Variants in NLRC4 observed in about 807,000 individuals in gnomAD.
NLRC4 encodes NLR family CARD domain-containing protein 4.
Under a neutral mutation model 79.9 loss-of-function variants are expected in NLRC4, and 63 were observed. That is an observed-to-expected ratio of 0.79 (90% CI 0.64 to 0.97). NLRC4 has a LOEUF of 0.97. NLRC4 is among the 50% of genes least tolerant of loss of function. The probability of loss-of-function intolerance (pLI) is 0.00; values close to 1 mark genes in which losing one functional copy is unlikely to be tolerated. For missense variants in NLRC4, 1,074 were observed against 1,215.2 expected (o/e 0.88, Z 1.73); for synonymous variants, 461 against 456.5 (o/e 1.01, Z -0.12).
rs769635788 is a variant in NLRC4, at chr2:32,236,253, C to G, written c.2608G>C (p.Glu870Gln). 1.3e-6 allele frequency: 2 copies of G among 1,597,698 alleles called. No homozygotes were observed. The highest frequency in any genetic ancestry group is 1.7e-5 in the Admixed American group (1 of 59,456). Reference protein sequence around the residue: ...LEKDGNEALHELIDRMNVLEQ... With the variant: ...LEKDGNEALHQLIDRMNVLEQ... Reference sequence around the variant, plus strand: ...GCTGAATTGTCATTCTTACTCAGTTCATGAAGAGCTTCATTTCCATCTTTT... The same window carrying G: ...GCTGAATTGTCATTCTTACTCAGTTGATGAAGAGCTTCATTTCCATCTTTT... Residue 870 changes from glutamate to glutamine, a missense_variant, in exon 7 of 9, where the codon GAA becomes CAA. Coordinates refer to ENST00000402280, the MANE Select transcript of NLRC4 (RefSeq NM_001199138.2).
chr2:32,249,921 G>T lies in NLRC4; in HGVS notation c.1943C>A (p.Ala648Asp). The T allele has an allele frequency of 2.5e-6, 4 of 1,614,206 alleles. No individual in the cohort carries two copies. Among genetic ancestry groups the T allele is most frequent in the Non-Finnish European group, 3.4e-6 (4 of 1,180,040 alleles). The change falls in exon 4 of 9, where the codon GCT (alanine) becomes GAT (aspartate). Residue 648 changes from alanine to aspartate, a missense_variant. Physicochemically the swap from Ala to Asp is moderately radical, Grantham distance 126 (BLOSUM62 -2). Coordinates refer to ENST00000402280, the MANE Select transcript of NLRC4 (RefSeq NM_001199138.2). ...EAPETYIPSR[A>D]VSLFFNWKQE... Reference sequence around the variant, plus strand: ...CTTCCAGTTGAAGAACAAAGATACAGCCCTGCTGGGAATGTAGGTTTCTGG... The same window carrying T: ...CTTCCAGTTGAAGAACAAAGATACATCCCTGCTGGGAATGTAGGTTTCTGG...
rs772067106 is a variant in NLRC4 at position 32,224,607 on chromosome 2, G to T, written c.2941C>A (p.Pro981Thr). 1.2e-6 allele frequency: 2 copies of T among 1,613,850 alleles called. No homozygotes were observed. The highest frequency in any genetic ancestry group is 2.2e-5 in the South Asian group (2 of 91,068). Reference sequence around the variant, plus strand: ...TGGCTAAGTTTTCTGACTAATGCTGGATCAGGTAGAAATTCTTTAGTACTA... The same window carrying T: ...TGGCTAAGTTTTCTGACTAATGCTGTATCAGGTAGAAATTCTTTAGTACTA... ...DFSTKEFLPDPALVRKLSQVL... is the reference protein window; with the variant it reads ...DFSTKEFLPDTALVRKLSQVL... Residue 981 changes from proline to threonine, a missense_variant, in exon 9 of 9, where the codon CCA becomes ACA. Coordinates refer to ENST00000402280, the MANE Select transcript of NLRC4 (RefSeq NM_001199138.2).
At chr2:32,231,259 ATTC>A (rs1374035145) in intron 8 of NLRC4, among the ~76,000 whole-genome samples, 8 of 152,024 alleles carry the variant, frequency 5.3e-5, no homozygotes, top group African/African-American at 1.9e-4. Context: ...GATTCAAGCA[ATTC>A]TTCTGCCTCA....
chr2:32,259,262 A>ATTTTTTTTTTTTTTTTTTTTTTTTT lies in NLRC4; in HGVS notation c.-118-2394_-118-2370dup, dbSNP rs57570626. The stretch of plus-strand genomic sequence containing the variant: ...AGGTGTGTGCCACCATGCCTGGCTA[A>ATTTTTTTTTTTTTTTTTTTTTTTTT]TTTTTTTTTTTTTTTTTTTTTTTTT... On this transcript the variant is annotated intron_variant, in intron 1 of 8. Coordinates refer to ENST00000402280, the MANE Select transcript of NLRC4 (RefSeq NM_001199138.2). Among the ~76,000 whole-genome samples the ATTTTTTTTTTTTTTTTTTTTTTTTT allele has an allele frequency of 9.5e-4, 50 of 52,886 alleles. 4 individuals carry two copies. The highest frequency in any genetic ancestry group is 1.2e-3 in the Non-Finnish European group (34 of 29,472). The allele number at this position is 52,886 out of a possible 152,430, so 34.7% of individuals were successfully genotyped here.
chr2:32,250,732 G>T lies in NLRC4; in HGVS notation c.1132C>A (p.His378Asn). The T allele has an allele frequency of 6.2e-7, 1 of 1,614,180 alleles. No homozygotes were observed. The highest frequency in any genetic ancestry group is 1.1e-5 in the South Asian group (1 of 91,088). The change falls in exon 4 of 9, where the codon CAT (histidine) becomes AAT (asparagine). Residue 378 changes from histidine (H) to asparagine (N), a missense_variant. Physicochemically the swap from His to Asn is moderately conservative, Grantham distance 68. Coordinates refer to ENST00000402280, the MANE Select transcript of NLRC4 (RefSeq NM_001199138.2). This position sits in a 1 kb window ranked among gnomAD's most constrained non-coding sequence, Gnocchi z 4.9. ...AAGTCACTTGCAGCCACACCTTTAT[G>T]TTTGTGTTTGTTTTTCTGTATCAAC... Reference protein sequence around the residue: ...DLLIQKNKHKHKGVAASDFIR... With the variant: ...DLLIQKNKHKNKGVAASDFIR...
rs769709902 is a variant in NLRC4 at position 32,251,019 on chromosome 2, T to G, written c.845A>C (p.Glu282Ala). ...AAACTGCCGTATGTGCCTCAGGCACTCAGTGGTAGTGGTGACGATGACCAT... is the reference window on the plus strand; with the variant it reads ...AAACTGCCGTATGTGCCTCAGGCACGCAGTGGTAGTGGTGACGATGACCAT... ...KNMVIVTTTT[E>A]CLRHIRQFGA... Residue 282 changes from glutamate to alanine, a missense_variant, in exon 4 of 9, where the codon GAG (glutamate) becomes GCG (alanine). By Grantham distance (107) the Glu-to-Ala change is moderately radical (BLOSUM62 -1). Coordinates refer to ENST00000402280, the MANE Select transcript of NLRC4 (RefSeq NM_001199138.2). The G allele has an allele frequency of 6.2e-7, 1 of 1,614,196 alleles. No individual in the cohort carries two copies. Among genetic ancestry groups the G allele is most frequent in the Non-Finnish European group, 8.5e-7 (1 of 1,180,028 alleles).
rs1687106369 is a variant in NLRC4 at position 32,252,624 on chromosome 2, A to G, written c.57T>C (p.Val19=). 4 of 1,613,786 alleles carry G rather than the reference A, an allele frequency of 2.5e-6. No homozygotes were observed. The highest frequency in any genetic ancestry group is 2.5e-6 in the Non-Finnish European group (3 of 1,179,626). ...ATAGGTCATCTGTGATTTGCTTTATAACAGTCATTCCCATTCTTTGAATAA... is the reference window on the plus strand; with the variant it reads ...ATAGGTCATCTGTGATTTGCTTTATGACAGTCATTCCCATTCTTTGAATAA... ...RALIQRMGMT[V]IKQITDDLFV... Residue 19 remains valine, a synonymous_variant, in exon 3 of 9, where the codon GTT becomes GTC. Coordinates refer to ENST00000402280, the MANE Select transcript of NLRC4 (RefSeq NM_001199138.2).
At chr2:32,229,006 T>TA (rs1323543926) in intron 8 of NLRC4, among the ~76,000 whole-genome samples, 1 of 151,886 alleles carries the variant, frequency 6.6e-6, no homozygotes, top group Non-Finnish European at 1.5e-5. Context: ...CCTCAAGTGA[T>TA]ACACCCACCT....
chr2:32,257,492 AGCTGTTCCGGAG>A (rs1687234193), intron 1 of NLRC4, among the ~76,000 whole-genome samples: 1 of 152,116 alleles, frequency 6.6e-6, no homozygotes, highest in Admixed American at 6.6e-5. Context: ...CTGTAGTCCC[AGCTGTTCCGGAG>A]GCTGAGGCAG....
intron 5 of NLRC4, 72 bp downstream of exon 5, chr2:32,240,961 T>C: frequency 1.1e-6 from 1 of 923,528 alleles, no homozygotes; most frequent in Non-Finnish European, 1.8e-6. Context: ...ACACAGCCAA[T>C]GTCAGAGCCT....
At chr2:32,239,434 G>A (rs1686745685) in intron 5 of NLRC4, among the ~76,000 whole-genome samples, 1 of 152,186 alleles carries the variant, frequency 6.6e-6, no homozygotes, top group South Asian at 2.1e-4. Flanking sequence ...GTTGTCATGG[G>A]AGTATATACC....
At chr2:32,226,053 A>AT (rs2148928726) in intron 8 of NLRC4, among the ~76,000 whole-genome samples, 1 of 152,310 alleles carries the variant, frequency 6.6e-6, no homozygotes, top group East Asian at 1.9e-4. Context: ...TTCAAGTTAA[A>AT]GAAGGAAAGA....
intron 8 of NLRC4, among the ~76,000 whole-genome samples, chr2:32,235,043 C>T (rs150145451): frequency 4.5e-4 from 69 of 152,252 alleles, no homozygotes; most frequent in African/African-American, 1.6e-3. Context: ...CAGCTACATT[C>T]GCCTTTATAT....
intron 1 of NLRC4, among the ~76,000 whole-genome samples, chr2:32,260,876 A>G (rs1275080217): frequency 6.6e-6 from 1 of 152,120 alleles, no homozygotes. Flanking sequence ...ATCAGACACC[A>G]CCTTCTCAAG....
intron 4 of NLRC4, among the ~76,000 whole-genome samples, chr2:32,247,684 A>G (rs212734): frequency 0.63 from 94,891 of 151,800 alleles, 29,897 homozygotes; most frequent in Admixed American, 0.65. Flanking sequence ...GTGTATATAT[A>G]TCTTTCCAAT....
At chr2:32,245,781 T>G (rs1324551747) in intron 4 of NLRC4, among the ~76,000 whole-genome samples, 2 of 152,138 alleles carry the variant, frequency 1.3e-5, no homozygotes, top group African/African-American at 4.8e-5. Context: ...TAGAAAAAAT[T>G]TACCTTATAG....
Position 32,250,092 on chromosome 2 carries a change from A to T in NLRC4, c.1772T>A (p.Ile591Asn), listed in dbSNP as rs1185365137. The change falls in exon 4 of 9, where the codon ATC becomes AAC. Residue 591 changes from isoleucine (I) to asparagine (N), a missense_variant. Coordinates refer to ENST00000402280, the MANE Select transcript of NLRC4 (RefSeq NM_001199138.2). This position sits in a 1 kb window ranked among gnomAD's most constrained non-coding sequence, Gnocchi z 4.9. Reference sequence around the variant, plus strand: ...AAAGAAGTCAAATAAGTAATCGGGGATGTTCCCTGAGTTGATATATAAGCT... The same window carrying T: ...AAAGAAGTCAAATAAGTAATCGGGGTTGTTCCCTGAGTTGATATATAAGCT... ...GKSLYINSGNIPDYLFDFFEH... is the reference protein window; with the variant it reads ...GKSLYINSGNNPDYLFDFFEH... The T allele has an allele frequency of 6.2e-7, 1 of 1,614,178 alleles. No homozygotes were observed. Among genetic ancestry groups the T allele is most frequent in the Admixed American group, 1.7e-5 (1 of 60,022 alleles).
At chr2:32,232,574 G>T (rs1022836336) in intron 8 of NLRC4, among the ~76,000 whole-genome samples, 4 of 152,004 alleles carry the variant, frequency 2.6e-5, no homozygotes, top group African/African-American at 9.7e-5. Context: ...TTTCACCATT[G>T]CATCTATCAC....
chr2:32,238,448 A>G (rs1686721584), intron 5 of NLRC4, 146 bp from the exon 6 acceptor site: 9 of 671,740 alleles, frequency 1.3e-5, no homozygotes, highest in Middle Eastern at 3.8e-4. Context: ...CAAAGAATCA[A>G]CGAGAGCTTT....
Sources: allele counts gnomAD v4.1 joint callset (sites outside exome capture counted in the v4.1 genomes callset), GRCh38; gene constraint gnomAD v4.1.1; non-coding constraint Gnocchi (gnomAD v3.1); transcripts MANE v1.5; gene names NCBI Gene and HGNC (gene_info 2026-07-23, HGNC 2026-07-21).